The following MTMR2 variants were observed in gnomAD, a reference collection of about 807,000 sequenced individuals.
MTMR2 encodes myotubularin related protein 2.
A neutral mutation model predicts 86.9 loss-of-function variants in MTMR2; 55 were observed. That is an observed-to-expected ratio of 0.63 (90% CI 0.51 to 0.79). The LOEUF (loss-of-function observed/expected upper bound fraction) is 0.79, where lower values mean the gene tolerates loss of function less well. Among genes scored for constraint, MTMR2 ranks in the 30% least tolerant of loss-of-function variants. The pLI is 0.00. For synonymous variants in MTMR2, 241 were observed against 266.8 expected (o/e 0.90, Z 0.94); for missense variants, 659 against 772.3 (o/e 0.85, Z 1.74).
intron 6 of MTMR2, 66 bp downstream of exon 6, chr11:95,858,465 G>A: frequency 9.5e-7 from 1 of 1,049,280 alleles, no homozygotes; most frequent in Admixed American, 1.7e-5. Context: ...AGACAGCCTA[G>A]ACAAGTTTCT....
intron 1 of MTMR2, among the ~76,000 whole-genome samples, chr11:95,903,412 A>C (rs1866145410): frequency 6.6e-6 from 1 of 152,094 alleles, no homozygotes; most frequent in Non-Finnish European, 1.5e-5. Flanking sequence ...ACTTGTCAAC[A>C]CGGAAAGCTG....
chr11:95,917,470 TCATAATA>T (rs1866752312), intron 1 of MTMR2, among the ~76,000 whole-genome samples: 1 of 152,176 alleles, frequency 6.6e-6, no homozygotes, highest in South Asian at 2.1e-4. Flanking sequence ...AATTACTTGT[TCATAATA>T]CAGTTGACCC....
intron 2 of MTMR2, among the ~76,000 whole-genome samples, chr11:95,866,727 G>A (rs887688948): frequency 6.8e-6 from 1 of 147,804 alleles, no homozygotes; most frequent in East Asian, 2.0e-4. Context: ...AGTCATAAAA[G>A]AAGAGAAGAA....
At chr11:95,919,504 G>A (rs1866833297) in intron 1 of MTMR2, among the ~76,000 whole-genome samples, 1 of 152,164 alleles carries the variant, frequency 6.6e-6, no homozygotes, top group African/African-American at 2.4e-5. Context: ...ACTAAAGCCT[G>A]AGGTTATATG....
chr11:95,914,835 C>G (rs1325278370), intron 1 of MTMR2, among the ~76,000 whole-genome samples: 3 of 152,072 alleles, frequency 2.0e-5, no homozygotes, highest in African/African-American at 4.8e-5. Context: ...GTCAAATGGA[C>G]TTGAATTCAC....
intron 1 of MTMR2, among the ~76,000 whole-genome samples, chr11:95,903,979 G>C (rs1254716201): frequency 6.6e-6 from 1 of 152,072 alleles, no homozygotes; most frequent in Non-Finnish European, 1.5e-5. Context: ...GCCAGGCGTG[G>C]TGGCACACGA....
chr11:95,904,797 C>T (rs954771962), intron 1 of MTMR2, among the ~76,000 whole-genome samples: 1 of 152,172 alleles, frequency 6.6e-6, no homozygotes, highest in Non-Finnish European at 1.5e-5. Flanking sequence ...TCTATGGACT[C>T]ACCCCGAATT....
At chr11:95,851,380 G>A (rs534647563) in intron 7 of MTMR2, among the ~76,000 whole-genome samples, 9 of 146,566 alleles carry the variant, frequency 6.1e-5, no homozygotes, top group Non-Finnish European at 1.2e-4. Context: ...TTATTTTTTT[G>A]GAGACAGAGT....
intron 2 of MTMR2, among the ~76,000 whole-genome samples, chr11:95,870,178 A>G (rs1864800422): frequency 6.6e-6 from 1 of 152,238 alleles, no homozygotes; most frequent in South Asian, 2.1e-4. Flanking sequence ...AGAGGGACAC[A>G]CAGATGATGG....
At chr11:95,864,492 AG>A (rs1413194853) in intron 3 of MTMR2, among the ~76,000 whole-genome samples, 1 of 152,170 alleles carries the variant, frequency 6.6e-6, no homozygotes, top group Admixed American at 6.5e-5. Flanking sequence ...CCTATGCCTT[AG>A]TTTCCTTCCT....
At chr11:95,865,821 T>C in intron 2 of MTMR2, 145 bp from the exon 3 acceptor site, 1 of 702,178 alleles carries the variant, frequency 1.4e-6, no homozygotes, top group South Asian at 1.7e-5. Context: ...AACTGTAGTG[T>C]TGGCATGTAT....
intron 10 of MTMR2, 47 bp from the exon 11 acceptor site, chr11:95,845,206 C>A: frequency 6.7e-7 from 1 of 1,484,006 alleles, no homozygotes; most frequent in Non-Finnish European, 9.3e-7. Context: ...AAGGTAAATA[C>A]TTCCTTCTTC....
At chr11:95,914,092 A>G (rs1169110765) in intron 1 of MTMR2, 12 of 684,440 alleles carry the variant, frequency 1.8e-5, no homozygotes, top group Non-Finnish European at 2.2e-5. Context: ...ACAGAATTTT[A>G]AGGACAGGGA....
chr11:95,873,138 GT>G (rs1864960824), intron 2 of MTMR2, among the ~76,000 whole-genome samples: 1 of 152,228 alleles, frequency 6.6e-6, no homozygotes, highest in South Asian at 2.1e-4. Flanking sequence ...CATCAAATGA[GT>G]TAGGGAGGAG....
chr11:95,916,542 G>C (rs550527039), intron 1 of MTMR2, among the ~76,000 whole-genome samples: 1 of 151,846 alleles, frequency 6.6e-6, no homozygotes, highest in South Asian at 2.1e-4. Context: ...CACCATATTA[G>C]ATCTGTATTG....
chr11:95,878,083 C>A (rs763452660), intron 2 of MTMR2, among the ~76,000 whole-genome samples: 1 of 150,342 alleles, frequency 6.7e-6, no homozygotes, highest in African/African-American at 2.5e-5. Context: ...AATTGTGGTA[C>A]GTCATACAAA....
chr11:95,845,443 G>T (rs1035070819), intron 10 of MTMR2, among the ~76,000 whole-genome samples: 4 of 152,070 alleles, frequency 2.6e-5, no homozygotes, highest in Admixed American at 1.3e-4. Context: ...ATTCTTCTTA[G>T]AAAAGTTCTA....
At chr11:95,886,389 C>T (rs991447194) in intron 2 of MTMR2, among the ~76,000 whole-genome samples, 1 of 152,270 alleles carries the variant, frequency 6.6e-6, no homozygotes, top group Admixed American at 6.5e-5. Context: ...TACAGATTAA[C>T]ATTATGCACT....
At chr11:95,915,219 T>G (rs186388150) in intron 1 of MTMR2, among the ~76,000 whole-genome samples, 7 of 152,268 alleles carry the variant, frequency 4.6e-5, no homozygotes, top group Admixed American at 4.6e-4. Flanking sequence ...ATATTAAGGC[T>G]TGTAATCACC....
Sources: gnomAD v4.1 joint callset for allele counts (sites outside exome capture counted in the v4.1 genomes callset) on GRCh38, gnomAD v4.1.1 for gene constraint, MANE v1.5 for transcripts, NCBI Gene and HGNC (gene_info 2026-07-23, HGNC 2026-07-21) for gene names.